Variants in PPP2R1B observed in about 807,000 individuals in gnomAD.
PPP2R1B encodes serine/threonine-protein phosphatase 2A 65 kDa regulatory subunit A beta isoform.
A neutral mutation model predicts 72.7 loss-of-function variants in PPP2R1B; 58 were observed. The observed-to-expected ratio is 0.80, with a 90% CI of 0.65 to 0.99. The LOEUF is 0.99. PPP2R1B is among the 50% of genes least tolerant of loss of function. PPP2R1B has a pLI of 0.00. For synonymous variants in PPP2R1B, 256 were observed against 264.6 expected, an observed-to-expected ratio of 0.97 and a Z score of 0.32; for missense variants, 695 against 733.6, an observed-to-expected ratio of 0.95 and a Z score of 0.61.
Position 111,741,405 on chromosome 11 carries a change from A to C in PPP2R1B, c.*191T>G. On this transcript the variant is annotated 3_prime_UTR_variant, in exon 15 of 15. Transcript: ENST00000527614. The stretch of plus-strand genomic sequence containing the variant: ...CGGCTTAAATAATGATTTAACAAGG[A>C]AGACGAGTAAAAAACAATCCCATTT... 7.1e-7 allele frequency: 1 copy of C among 1,404,946 alleles called. No homozygotes were observed. The highest frequency in any genetic ancestry group is 1.7e-5 in the South Asian group (1 of 59,852). The allele number at this position is 1,404,946 out of a possible 1,614,324, so 87.0% of individuals were successfully genotyped here. A position where few individuals can be genotyped will look rare whatever the true frequency, so the allele number is the denominator to read the frequency against.
rs782795688 is a variant in PPP2R1B at position 111,752,191 on chromosome 11, T to G, written c.1306A>C (p.Ile436Leu). Residue 436 changes from isoleucine (I) to leucine (L), a missense_variant, in exon 10 of 15, where the codon ATT (isoleucine) becomes CTT (leucine). Coordinates refer to ENST00000527614, the MANE Select transcript of PPP2R1B (RefSeq NM_002716.5). ...CCTGCCAGCAGCGGCATATACTCAA[T>G]GATGGCCAGGCGGACCCTCCATTTG... is the stretch of plus-strand genomic sequence containing the variant. ...DAKWRVRLAI[I>L]EYMPLLAGQL... 1 of 1,613,712 alleles carries G rather than the reference T, an allele frequency of 6.2e-7. No homozygotes were observed. The highest frequency in any genetic ancestry group is 1.1e-5 in the South Asian group (1 of 91,014).
the PPP2R1B span, among the ~76,000 whole-genome samples, chr11:111,692,728 A>C: frequency 6.6e-6 from 1 of 152,118 alleles, no homozygotes; most frequent in Non-Finnish European, 1.5e-5. Flanking sequence ...TCTTAATGGA[A>C]TCTAACACAT....
chr11:111,736,167 T>C (rs1944334407), downstream of PPP2R1B, among the ~76,000 whole-genome samples: 1 of 151,920 alleles, frequency 6.6e-6, no homozygotes, highest in South Asian at 2.1e-4. Context: ...GAGGATGACA[T>C]GAGATTTGAA....
chr11:111,730,611 G>GA (rs1301928766), intron 15 of PPP2R1B: 3 of 151,496 alleles, frequency 2.0e-5, no homozygotes, highest in African/African-American at 7.3e-5. Flanking sequence ...TAATTACTAA[G>GA]AAAAAAATTG....
chr11:111,711,948 G>A, the PPP2R1B span, among the ~76,000 whole-genome samples: 4 of 152,314 alleles, frequency 2.6e-5, no homozygotes, highest in East Asian at 1.9e-4. Flanking sequence ...TAGCTTTCTC[G>A]TCACCTGCGT....
chr11:111,735,225 A>G (rs931673031), downstream of PPP2R1B: 8 of 152,364 alleles, frequency 5.3e-5, no homozygotes, highest in Non-Finnish European at 1.0e-4. Flanking sequence ...GGGCGCAGTC[A>G]GGCAGTGTCT....
At chr11:111,704,219 G>A in the PPP2R1B span, among the ~76,000 whole-genome samples, 2 of 152,174 alleles carry the variant, frequency 1.3e-5, no homozygotes, top group South Asian at 4.1e-4. Context: ...AGTGCATCCT[G>A]AGCAGTAGCT....
At chr11:111,719,375 T>A in the PPP2R1B span, among the ~76,000 whole-genome samples, 1 of 93,062 alleles carries the variant, frequency 1.1e-5, no homozygotes, top group Non-Finnish European at 2.3e-5. Flanking sequence ...TTTTTTTTTT[T>A]AGCAATGAGC....
At chr11:111,751,814 T>C (rs554845389) in intron 10 of PPP2R1B, among the ~76,000 whole-genome samples, 5 of 152,190 alleles carry the variant, frequency 3.3e-5, no homozygotes, top group African/African-American at 9.6e-5. Context: ...CCCATCTCTA[T>C]TAAAAATACA....
the PPP2R1B span, among the ~76,000 whole-genome samples, chr11:111,690,916 A>G: frequency 6.6e-6 from 1 of 152,218 alleles, no homozygotes; most frequent in Non-Finnish European, 1.5e-5. Context: ...GCTACAAGAA[A>G]CATACATGCA....
At chr11:111,717,499 G>A in the PPP2R1B span, among the ~76,000 whole-genome samples, 1 of 152,078 alleles carries the variant, frequency 6.6e-6, no homozygotes. Flanking sequence ...TAGTGGGAGT[G>A]TAAATTAGTT....
At chr11:111,731,537 C>T (rs1386119501) in intron 15 of PPP2R1B, among the ~76,000 whole-genome samples, 1 of 152,258 alleles carries the variant, frequency 6.6e-6, no homozygotes, top group East Asian at 1.9e-4. Flanking sequence ...ACTGTTATAT[C>T]CAGCTTGCTG....
Position 111,741,059 on chromosome 11 carries a change from T to C in PPP2R1B, c.*537A>G. On this transcript the variant is annotated 3_prime_UTR_variant, in exon 15 of 15. Coordinates refer to ENST00000527614, the MANE Select transcript of PPP2R1B (RefSeq NM_002716.5). Reference sequence around the variant, plus strand: ...AACCCTGAGCTTCCACATTCCCCTTTCACATGAGACTAATGCAGACCATCA... The same window carrying C: ...AACCCTGAGCTTCCACATTCCCCTTCCACATGAGACTAATGCAGACCATCA... 1.0e-6 allele frequency: 1 copy of C among 986,244 alleles called. No homozygotes were observed. The highest frequency in any genetic ancestry group is 1.2e-6 in the Non-Finnish European group (1 of 830,308). The allele number at this position is 986,244 out of a possible 1,614,324, so 61.1% of individuals were successfully genotyped here.
intron 3 of PPP2R1B, among the ~76,000 whole-genome samples, chr11:111,763,227 G>T (rs1945392001): frequency 6.6e-6 from 1 of 152,258 alleles, no homozygotes; most frequent in African/African-American, 2.4e-5. Context: ...AGGTCCTAAG[G>T]GAATAATGAG....
chr11:111,723,602 C>G, downstream of PPP2R1B: 1 of 1,614,202 alleles, frequency 6.2e-7, no homozygotes. Flanking sequence ...TCAGCAGCTG[C>G]CCCTTCCCCG....
chr11:111,720,376 G>T, the PPP2R1B span: 2 of 1,195,474 alleles, frequency 1.7e-6, no homozygotes, highest in East Asian at 2.5e-5. Context: ...TGGAAATTAA[G>T]GACATGGTAG....
At chr11:111,762,670 C>T (rs1039612876) in intron 3 of PPP2R1B, among the ~76,000 whole-genome samples, 2 of 151,936 alleles carry the variant, frequency 1.3e-5, no homozygotes, top group Admixed American at 6.6e-5. Context: ...CTCAGCGTCC[C>T]GAATAGCTAG....
chr11:111,760,027 CTT>C, intron 4 of PPP2R1B, 76 bp from the exon 5 acceptor site: 5 of 1,437,356 alleles, frequency 3.5e-6, no homozygotes, highest in Non-Finnish European at 4.7e-6. Flanking sequence ...CACAGACAGA[CTT>C]TTAGAGGTTT....
chr11:111,754,288 T>TA lies in PPP2R1B; in HGVS notation c.1029+210dup, dbSNP rs1480202438. On this transcript the variant is annotated intron_variant, in intron 8 of 14. Coordinates refer to ENST00000527614, the MANE Select transcript of PPP2R1B (RefSeq NM_002716.5). ...ATGTTTCCTCAGACTACTTGTTAGG[T>TA]AACATAAACCTATGCACCAAAGAGC... is the stretch of plus-strand genomic sequence containing the variant. Among the ~76,000 whole-genome samples the TA allele has an allele frequency of 2.0e-5, 3 of 152,224 alleles. No individual in the cohort carries two copies. In the East Asian group the frequency reaches 5.8e-4, roughly 29 times the overall value.
Sources: gnomAD v4.1 joint callset for allele counts (sites outside exome capture counted in the v4.1 genomes callset) on GRCh38, gnomAD v4.1.1 for gene constraint, MANE v1.5 for transcripts, NCBI Gene and HGNC (gene_info 2026-07-23, HGNC 2026-07-21) for gene names.